FBN2: variants seen among roughly 807,000 people sequenced by gnomAD.
FBN2 encodes fibrillin-2.
FBN2 carries 105 observed loss-of-function variants against 355.6 expected under a neutral mutation model. That is an observed-to-expected ratio of 0.30 (90% CI 0.25 to 0.35). The LOEUF (loss-of-function observed/expected upper bound fraction) is 0.35. Among genes scored for constraint, FBN2 ranks in the 10% least tolerant of loss-of-function variants. FBN2 has a pLI of 1.00. For missense variants in FBN2, 3,280 were observed against 3,758.7 expected (o/e 0.87, Z 3.33); for synonymous variants, 1,350 against 1,301.2 (o/e 1.04, Z -0.81).
At chr5:128,273,448 T>C (rs1390657277) in intron 61 of FBN2, among the ~76,000 whole-genome samples, 1 of 152,254 alleles carries the variant, frequency 6.6e-6, no homozygotes. Flanking sequence ...TTCTCTCTGA[T>C]GACAGATTCT....
At chr5:128,421,388 T>C (rs1256759108) in intron 7 of FBN2, among the ~76,000 whole-genome samples, 4 of 151,914 alleles carry the variant, frequency 2.6e-5, no homozygotes, top group Non-Finnish European at 4.4e-5. Context: ...AAAGAATACA[T>C]GAAAAAATAT....
At chr5:128,528,421 C>A (rs1561499917) in intron 3 of FBN2, among the ~76,000 whole-genome samples, 2 of 152,046 alleles carry the variant, frequency 1.3e-5, no homozygotes, top group Non-Finnish European at 2.9e-5. Flanking sequence ...CTGTGATAAA[C>A]TGTTTGAAGT....
chr5:128,531,338 C>T (rs1276555309), intron 2 of FBN2, among the ~76,000 whole-genome samples: 1 of 151,986 alleles, frequency 6.6e-6, no homozygotes, highest in Admixed American at 6.6e-5. Flanking sequence ...TATGTTCTCA[C>T]TGATATGTGG....
In FBN2 at chr5:128,290,741, C is replaced by T. The variant is rs2126821227; in HGVS notation, c.6436G>A (p.Asp2146Asn). The T allele has an allele frequency of 6.2e-7, 1 of 1,614,198 alleles. No individual in the cohort carries two copies. The highest frequency in any genetic ancestry group is 2.2e-5 in the East Asian group (1 of 44,886). Residue 2146 changes from aspartate (D) to asparagine (N), a missense_variant, in exon 50 of 65, where the codon GAC becomes AAC. This residue lies in a region of FBN2 where 2,284 missense variants were observed against 2,749.5 expected (regional missense o/e 0.83). Coordinates refer to ENST00000262464, the MANE Select transcript of FBN2 (RefSeq NM_001999.4). ...WGDPCELCPK[D>N]DEVAFQDLCP... ...ATGTCATTGCTCTTACCTTCATCGT[C>T]TTTGGGGCACAGCTCACAGGGGTCC...
chr5:128,322,481 G>A (rs1187918497), intron 34 of FBN2, among the ~76,000 whole-genome samples: 1 of 152,106 alleles, frequency 6.6e-6, no homozygotes, highest in Non-Finnish European at 1.5e-5. Flanking sequence ...AGAAAGGGGT[G>A]CAGTTTCAGT....
intron 5 of FBN2, among the ~76,000 whole-genome samples, chr5:128,473,189 C>G (rs2127096479): frequency 6.6e-6 from 1 of 152,294 alleles, no homozygotes; most frequent in Non-Finnish European, 1.5e-5. Flanking sequence ...CAGAACTGCT[C>G]TCTAAATAGG....
chr5:128,336,043 A>G lies in FBN2; in HGVS notation c.3669T>C (p.Tyr1223=). ...NGKCVNMIGT[Y]QCSCNPGYQA... ...GATATCCAGGATTGCAAGAGCACTG[A>G]TAGGTTCCAATCATGTTCACACATT... Residue 1223 remains tyrosine (Y), a synonymous_variant, in exon 28 of 65, where the codon TAT becomes TAC. Coordinates refer to ENST00000262464, the MANE Select transcript of FBN2 (RefSeq NM_001999.4). 1 of 1,614,026 alleles carries G rather than the reference A, an allele frequency of 6.2e-7. No homozygotes were observed. Among genetic ancestry groups the G allele is most frequent in the Non-Finnish European group, 8.5e-7 (1 of 1,179,896 alleles).
intron 5 of FBN2, among the ~76,000 whole-genome samples, chr5:128,469,506 G>T (rs1438436753): frequency 6.8e-6 from 1 of 146,338 alleles, no homozygotes; most frequent in African/African-American, 2.6e-5. Flanking sequence ...GCTCCAGCCT[G>T]GGCAAGACAG....
At chr5:128,408,626 G>C in intron 8 of FBN2, 48 bp downstream of exon 8, 1 of 1,611,362 alleles carries the variant, frequency 6.2e-7, no homozygotes, top group Middle Eastern at 1.7e-4. Flanking sequence ...GGGCTGTTTT[G>C]TCATTATAAA....
chr5:128,349,506 A>G (rs780254500), intron 22 of FBN2, 34 bp from the exon 23 acceptor site: 3 of 1,610,780 alleles, frequency 1.9e-6, no homozygotes, highest in East Asian at 4.5e-5. Context: ...AGGAGCAAAG[A>G]TGTTACAAAT....
chr5:128,471,883 G>A (rs978722064), intron 5 of FBN2, among the ~76,000 whole-genome samples: 1 of 152,148 alleles, frequency 6.6e-6, no homozygotes, highest in African/African-American at 2.4e-5. Context: ...CACGACTGAA[G>A]TACCTAAGAA....
chr5:128,306,474 T>C (rs1333070938), intron 42 of FBN2, among the ~76,000 whole-genome samples: 16 of 151,932 alleles, frequency 1.1e-4, no homozygotes, highest in Admixed American at 1.0e-3. Flanking sequence ...TACAAAAAAT[T>C]AGCCGGGTGT....
intron 11 of FBN2, among the ~76,000 whole-genome samples, chr5:128,385,092 G>C (rs1473051794): frequency 1.3e-5 from 2 of 152,060 alleles, no homozygotes; most frequent in Non-Finnish European, 2.9e-5. Flanking sequence ...GGGAGTACAA[G>C]TGCAGGTTTA....
intron 55 of FBN2, among the ~76,000 whole-genome samples, chr5:128,284,691 TC>T (rs1220824757): frequency 6.6e-6 from 1 of 152,092 alleles, no homozygotes; most frequent in Non-Finnish European, 1.5e-5. Flanking sequence ...ATTTAGGGAG[TC>T]GTGTGGCTCT....
chr5:128,439,742 T>A (rs1031854372), intron 7 of FBN2, among the ~76,000 whole-genome samples: 4 of 152,122 alleles, frequency 2.6e-5, no homozygotes. Flanking sequence ...TTATTTTATG[T>A]AACTGAATTT....
chr5:128,401,236 A>G lies in FBN2; in HGVS notation c.1079-5962T>C, dbSNP rs530624257. On this transcript the variant is annotated intron_variant, in intron 8 of 64. Transcript: ENST00000262464. ...AATCCCCAGACTTTGGGAGTATGCA[A>G]TGATATTGAGAGGGGTTCACAAATG... is the stretch of plus-strand genomic sequence containing the variant. Among the ~76,000 whole-genome samples the G allele has an allele frequency of 5.3e-5, 8 of 152,312 alleles. No homozygotes were observed. In the East Asian group the frequency reaches 1.3e-3, roughly 26 times the overall value.
intron 7 of FBN2, among the ~76,000 whole-genome samples, chr5:128,437,156 C>T (rs1343972240): frequency 6.6e-6 from 1 of 152,182 alleles, no homozygotes; most frequent in Non-Finnish European, 1.5e-5. Flanking sequence ...AAGAAGATAC[C>T]TGGTACAACA....
At chr5:128,378,406 A>G (rs1257769965) in intron 12 of FBN2, among the ~76,000 whole-genome samples, 3 of 152,160 alleles carry the variant, frequency 2.0e-5, no homozygotes, top group African/African-American at 7.2e-5. Context: ...AGCTGTGAAT[A>G]AAGACCAGGC....
chr5:128,426,866 T>A (rs529436209), intron 7 of FBN2, among the ~76,000 whole-genome samples: 2 of 152,300 alleles, frequency 1.3e-5, no homozygotes, highest in Admixed American at 6.5e-5. Flanking sequence ...GACTTTTCCT[T>A]CCCAGTCTCC....
Sources: allele counts gnomAD v4.1 joint callset (sites outside exome capture counted in the v4.1 genomes callset), GRCh38; gene constraint gnomAD v4.1.1; regional missense constraint gnomAD v4.1.1; transcripts MANE v1.5; gene names NCBI Gene and HGNC (gene_info 2026-07-23, HGNC 2026-07-21).